SHISA9: variants seen among roughly 807,000 people sequenced by gnomAD.
The protein encoded by SHISA9 is shisa family member 9, also known as protein shisa-9.
Under a neutral mutation model 38.0 loss-of-function variants are expected in SHISA9, and 13 were observed. The observed-to-expected ratio is 0.34, with a 90% confidence interval of 0.22 to 0.54. The LOEUF (loss-of-function observed/expected upper bound fraction) is 0.54. Among genes scored for constraint, SHISA9 ranks in the 20% least tolerant of loss-of-function variants. The pLI is 0.91. For missense variants in SHISA9, 538 were observed against 575.8 expected, an observed-to-expected ratio of 0.93 and a Z score of 0.67; for synonymous variants, 275 against 242.0, an observed-to-expected ratio of 1.14 and a Z score of -1.27.
At chr16:13,286,393 T>G in the SHISA9 span, among the ~76,000 whole-genome samples, 1 of 152,144 alleles carries the variant, frequency 6.6e-6, no homozygotes, top group Non-Finnish European at 1.5e-5. Flanking sequence ...ACTTACAATT[T>G]TATATCCTAT....
At chr16:13,290,636 G>A in the SHISA9 span, among the ~76,000 whole-genome samples, 1 of 152,156 alleles carries the variant, frequency 6.6e-6, no homozygotes, top group East Asian at 1.9e-4. Flanking sequence ...CCCTTTACAA[G>A]AAGGGGAGAT....
chr16:12,946,059 G>A (rs1273910463), intron 2 of SHISA9, among the ~76,000 whole-genome samples: 2 of 152,202 alleles, frequency 1.3e-5, no homozygotes, highest in Non-Finnish European at 2.9e-5. Flanking sequence ...TACATGAGTT[G>A]GCTAACCTGT....
At chr16:13,024,720 G>C (rs1338903174) in intron 2 of SHISA9, among the ~76,000 whole-genome samples, 6 of 152,152 alleles carry the variant, frequency 3.9e-5, no homozygotes, top group Non-Finnish European at 5.9e-5. Flanking sequence ...TGTAAAGTAG[G>C]GGGTGACAAT....
intron 2 of SHISA9, among the ~76,000 whole-genome samples, chr16:12,934,801 A>G (rs536511289): frequency 9.2e-5 from 14 of 152,288 alleles, no homozygotes; most frequent in Middle Eastern, 3.4e-3. Flanking sequence ...TTCAAGGCTT[A>G]GGGTAAATAG....
At position 13,038,093 on chromosome 16, in the gene SHISA9, G is replaced by A. The variant is rs571603634; in HGVS notation, c.691+121278G>A. On this transcript the variant is annotated intron_variant, in intron 2 of 4. Transcript: ENST00000558583. ...GCACCTCCGCCTCCCGAGTTCAAGC[G>A]ATTCTTGTGCCTCAGCCACCCGAGT... 5.3e-5 allele frequency among the ~76,000 whole-genome samples: 8 copies of A among 152,254 alleles called. No homozygotes were observed. In the East Asian group the frequency reaches 1.2e-3, roughly 22 times the overall value.
At chr16:13,030,418 G>T (rs2072976968) in intron 2 of SHISA9, among the ~76,000 whole-genome samples, 1 of 152,128 alleles carries the variant, frequency 6.6e-6, no homozygotes, top group Admixed American at 6.5e-5. Flanking sequence ...ATTCCCAGGG[G>T]TTTCTCATAG....
chr16:13,323,407 G>T, the SHISA9 span, among the ~76,000 whole-genome samples: 1 of 152,136 alleles, frequency 6.6e-6, no homozygotes, highest in Non-Finnish European at 1.5e-5. Flanking sequence ...CCACAAGTTT[G>T]GCGCTTGACA....
the SHISA9 span, among the ~76,000 whole-genome samples, chr16:13,504,004 C>A: frequency 6.6e-6 from 1 of 152,118 alleles, no homozygotes; most frequent in African/African-American, 2.4e-5. Context: ...ATTCCTTAAT[C>A]AAATACCTGC....
chr16:13,452,031 C>T, the SHISA9 span, among the ~76,000 whole-genome samples: 1 of 152,148 alleles, frequency 6.6e-6, no homozygotes, highest in African/African-American at 2.4e-5. Context: ...TTAGTTTTCC[C>T]TTTGATTCCC....
intron 2 of SHISA9, among the ~76,000 whole-genome samples, chr16:13,159,069 A>C (rs980193601): frequency 4.6e-5 from 7 of 151,640 alleles, no homozygotes; most frequent in Admixed American, 3.9e-4. Context: ...AAAAAAAAAA[A>C]AAACAAAACC....
chr16:13,454,509 A>G, the SHISA9 span, among the ~76,000 whole-genome samples: 2 of 152,214 alleles, frequency 1.3e-5, no homozygotes, highest in Admixed American at 6.5e-5. Context: ...ATCTCTCACA[A>G]TAATTCTATA....
intron 2 of SHISA9, 90 bp downstream of exon 2, chr16:12,916,905 A>C (rs755698347): frequency 1.4e-6 from 2 of 1,394,594 alleles, no homozygotes; most frequent in Non-Finnish European, 1.9e-6. Flanking sequence ...TGCTTGGGTT[A>C]GTTAAGAGCT....
At chr16:13,341,054 A>G in the SHISA9 span, among the ~76,000 whole-genome samples, 1 of 152,204 alleles carries the variant, frequency 6.6e-6, no homozygotes, top group Non-Finnish European at 1.5e-5. Context: ...TATTTGATTA[A>G]TAACTGTCTT....
chr16:13,555,781 A>C, the SHISA9 span, among the ~76,000 whole-genome samples: 1 of 152,060 alleles, frequency 6.6e-6, no homozygotes, highest in South Asian at 2.1e-4. Context: ...CGTTACTTAG[A>C]TGGAGGGAAG....
At chr16:12,947,868 C>T (rs1368855759) in intron 2 of SHISA9, among the ~76,000 whole-genome samples, 1 of 152,144 alleles carries the variant, frequency 6.6e-6, no homozygotes, top group Non-Finnish European at 1.5e-5. Flanking sequence ...CAAGTAGTGA[C>T]CGTTCCTTGA....
rs142461226 is a variant in SHISA9 at position 12,984,519 on chromosome 16, G to T, written c.691+67704G>T. Among the ~76,000 whole-genome samples the T allele has an allele frequency of 5.1e-3, 771 of 152,304 alleles. 11 individuals are homozygous for T. The highest frequency in any genetic ancestry group is 0.018 in the African/African-American group (735 of 41,560). ...GGTGGGAAATGGGACACTTTCCTTA[G>T]ATTAGAGCTGTGTTTAAGTCAGTAA... is the stretch of plus-strand genomic sequence containing the variant. On this transcript the variant is annotated intron_variant, in intron 2 of 4. Transcript: ENST00000558583.
chr16:13,402,265 A>G, the SHISA9 span, among the ~76,000 whole-genome samples: 1 of 152,120 alleles, frequency 6.6e-6, no homozygotes, highest in Admixed American at 6.5e-5. Flanking sequence ...CTGAGTTCGA[A>G]TGCTTGAGAA....
At chr16:13,391,596 G>C in the SHISA9 span, among the ~76,000 whole-genome samples, 2 of 152,166 alleles carry the variant, frequency 1.3e-5, no homozygotes, top group African/African-American at 4.8e-5. Context: ...CTAGACCTTA[G>C]CAGTGCACTG....
At chr16:13,054,051 C>T (rs1045959567) in intron 2 of SHISA9, among the ~76,000 whole-genome samples, 5 of 152,106 alleles carry the variant, frequency 3.3e-5, no homozygotes, top group African/African-American at 1.2e-4. Context: ...TCTTTAAAGC[C>T]CACATCAATC....
Sources: gnomAD v4.1 joint callset for allele counts (sites outside exome capture counted in the v4.1 genomes callset) on GRCh38, gnomAD v4.1.1 for gene constraint, MANE v1.5 for transcripts, NCBI Gene and HGNC (gene_info 2026-07-23, HGNC 2026-07-21) for gene names.